TNS2: variants seen among roughly 807,000 people sequenced by gnomAD.
TNS2 encodes tensin-2.
TNS2 carries 77 observed loss-of-function variants against 155.7 expected under a neutral mutation model. The observed-to-expected ratio is 0.49, with a 90% CI of 0.41 to 0.60. The LOEUF (loss-of-function observed/expected upper bound fraction) is 0.60, where lower values mean the gene tolerates loss of function less well. Ranked by LOEUF, TNS2 falls within the 20% of genes least tolerant of loss-of-function variation. TNS2 has a pLI of 0.00. For missense variants in TNS2, 1,703 were observed against 1,868.8 expected, an observed-to-expected ratio of 0.91 and a Z score of 1.64; for synonymous variants, 726 against 763.9, an observed-to-expected ratio of 0.95 and a Z score of 0.82.
Position 53,060,894 on chromosome 12 carries a change from A to C in TNS2, c.2988A>C (p.Ser996=), listed in dbSNP as rs765868533. 1 of 1,587,688 alleles carries C rather than the reference A, an allele frequency of 6.3e-7. No homozygotes were observed. The highest frequency in any genetic ancestry group is 1.3e-5 in the African/African-American group (1 of 74,210). ...AGGAAAGGAGTCCAGGGGGCCACTC[A>C]GATGGCGCCAGTCCTCGGAGCCCTG... ...WPQERSPGGH[S]DGASPRSPVP... Residue 996 remains serine (S), a synonymous_variant, in exon 20 of 29, where the codon TCA becomes TCC. Transcript: ENST00000314250. This position sits in a 1 kb window ranked among gnomAD's most constrained non-coding sequence, Gnocchi z 6.1.
chr12:53,050,561 G>A lies in TNS2; in HGVS notation c.75+301G>A, dbSNP rs566213003. Among the ~76,000 whole-genome samples the A allele has an allele frequency of 5.3e-5, 8 of 152,056 alleles. No homozygotes were observed. In the East Asian group the frequency reaches 1.2e-3, roughly 22 times the overall value. Reference sequence around the variant, plus strand: ...GCCTCACTGCAGGACTTTGCCATGCGCTATCCAGGTATCCTCCAGCAGGCT... The same window carrying A: ...GCCTCACTGCAGGACTTTGCCATGCACTATCCAGGTATCCTCCAGCAGGCT... On this transcript the variant is annotated intron_variant, in intron 1 of 28. Coordinates refer to ENST00000314250, the MANE Select transcript of TNS2 (RefSeq NM_170754.4). This position sits in a 1 kb window ranked among gnomAD's most constrained non-coding sequence, Gnocchi z 4.7.
At position 53,059,749 on chromosome 12, in the gene TNS2, C is replaced by G. The variant is rs1592254685; in HGVS notation, c.2108C>G (p.Ala703Gly). Reference protein sequence around the residue: ...CEEKLALPTAALYGLRLEREA... With the variant: ...CEEKLALPTAGLYGLRLEREA... ...GAGAAGCTGGCGCTGCCTACAGCAG[C>G]CTTGTATGGACTGCGGCTGGAGAGG... The change falls in exon 18 of 29, where the codon GCC becomes GGC. Residue 703 changes from alanine to glycine, a missense_variant. Ala to Gly is a moderately conservative substitution (Grantham distance 60). Transcript: ENST00000314250. The surrounding 1 kb of genome is among the most constrained non-coding windows in gnomAD (Gnocchi z 4.7). 3.1e-6 allele frequency: 5 copies of G among 1,612,844 alleles called. No individual in the cohort carries two copies. The highest frequency in any genetic ancestry group is 4.2e-6 in the Non-Finnish European group (5 of 1,179,764).
chr12:53,060,687 G>A lies in TNS2; in HGVS notation c.2781G>A (p.Gln927=), dbSNP rs1944348971. Residue 927 remains glutamine (Q), a synonymous_variant, in exon 20 of 29, where the codon CAG becomes CAA. Coordinates refer to ENST00000314250, the MANE Select transcript of TNS2 (RefSeq NM_170754.4). This position sits in a 1 kb window ranked among gnomAD's most constrained non-coding sequence, Gnocchi z 6.1. The part of the protein sequence containing the change: ...PVQGKESTRR[Q]DTRSPTSAPT... ...TTCCACCCTACAGCACCCGGCGACA[G>A]GACACCAGGTCCCCCACCTCAGCGC... 1 of 1,581,220 alleles carries A rather than the reference G, an allele frequency of 6.3e-7. No individual in the cohort carries two copies. The highest frequency in any genetic ancestry group is 1.7e-5 in the Admixed American group (1 of 58,544).
Position 53,059,108 on chromosome 12 carries a change from TC to T in TNS2, c.1471del (p.Arg491GlyfsTer29). The T allele has an allele frequency of 6.5e-7, 1 of 1,548,388 alleles. No individual in the cohort carries two copies. Among genetic ancestry groups the T allele is most frequent in the Non-Finnish European group, 8.7e-7 (1 of 1,155,432 alleles). On this transcript the variant is annotated frameshift_variant, in exon 18 of 29. Transcript: ENST00000314250. LOFTEE classifies it high-confidence loss of function. This position sits in a 1 kb window ranked among gnomAD's most constrained non-coding sequence, Gnocchi z 4.7. ...GTCCTTATGCCCAGGTGCAGCGGCC[TC>T]CCCGGCAGACCCCCCCGGCACCCTC... ...GSPYAQVQRPPRQTPPAPSPE... is the reference protein window; with the variant it reads ...GSPYAQVQRPXRQTPPAPSPE...
chr12:53,057,904 T>C (rs1944217219), intron 13 of TNS2, 71 bp downstream of exon 13: 1 of 1,611,070 alleles, frequency 6.2e-7, no homozygotes. Flanking sequence ...TTCCTGCTTC[T>C]CCAGCCTCCC....
In TNS2 at chr12:53,060,998, C is replaced by T; in HGVS notation, c.3092C>T (p.Pro1031Leu). 6.2e-7 allele frequency: 1 copy of T among 1,613,072 alleles called. No individual in the cohort carries two copies. The highest frequency in any genetic ancestry group is 8.5e-7 in the Non-Finnish European group (1 of 1,179,630). The change falls in exon 20 of 29, where the codon CCC becomes CTC. Residue 1031 changes from proline to leucine, a missense_variant. Transcript: ENST00000314250. The surrounding 1 kb of genome is among the most constrained non-coding windows in gnomAD (Gnocchi z 6.1). ...CCCCCCGACAGCCCAGATGGGTCTCCCCTCACTCCTGTGCCTTCCCAGATG... is the reference window on the plus strand; with the variant it reads ...CCCCCCGACAGCCCAGATGGGTCTCTCCTCACTCCTGTGCCTTCCCAGATG... ...RGPPDSPDGS[P>L]LTPVPSQMPW...
chr12:53,062,828 A>G (rs1000920846), intron 25 of TNS2, 131 bp downstream of exon 25: 21 of 1,159,794 alleles, frequency 1.8e-5, no homozygotes, highest in Non-Finnish European at 2.6e-5. Flanking sequence ...GGGGAGCCCC[A>G]TACTGTCGGG....
rs1944329488 is a variant in TNS2, at chr12:53,060,165, A to G, written c.2524A>G (p.Arg842Gly). The G allele has an allele frequency of 9.3e-6, 15 of 1,607,014 alleles. No individual in the cohort carries two copies. Among genetic ancestry groups the G allele is most frequent in the Non-Finnish European group, 1.3e-5 (15 of 1,176,574 alleles). Residue 842 changes from arginine (R) to glycine (G), a missense_variant, in exon 18 of 29, where the codon AGG (arginine) becomes GGG (glycine). By Grantham distance (125) the Arg-to-Gly change is moderately radical. Transcript: ENST00000314250. This position sits in a 1 kb window ranked among gnomAD's most constrained non-coding sequence, Gnocchi z 6.1. ...SPGSPPYPQS[R>G]KLSYEIPTEE... ...GGGCAGCCCGCCCTATCCACAATCT[A>G]GGAAGCTGAGCTACGAGATCCCTAC...
upstream of TNS2, among the ~76,000 whole-genome samples, chr12:53,048,399 C>T (rs1180248135): frequency 6.6e-6 from 1 of 152,212 alleles, no homozygotes; most frequent in Non-Finnish European, 1.5e-5. Flanking sequence ...GAGTCCTGGT[C>T]AGGGCCATGT....
Position 53,061,159 on chromosome 12 carries a change from C to A in TNS2, c.3253C>A (p.Gln1085Lys). Reference sequence around the variant, plus strand: ...ACGCCACCTGCCCGGGCCGGGGCAACAGCCAGGACCCTGGGGCCCAGAGCA... The same window carrying A: ...ACGCCACCTGCCCGGGCCGGGGCAAAAGCCAGGACCCTGGGGCCCAGAGCA... Reference protein sequence around the residue: ...EKRHLPGPGQQPGPWGPEQAS... With the variant: ...EKRHLPGPGQKPGPWGPEQAS... The change falls in exon 20 of 29, where the codon CAG becomes AAG. Residue 1085 changes from glutamine to lysine, a missense_variant. Coordinates refer to ENST00000314250, the MANE Select transcript of TNS2 (RefSeq NM_170754.4). The A allele has an allele frequency of 6.2e-7, 1 of 1,606,368 alleles. No individual in the cohort carries two copies.
intron 21 of TNS2, 94 bp from the exon 22 acceptor site, chr12:53,061,721 C>G: frequency 6.5e-7 from 1 of 1,542,714 alleles, no homozygotes; most frequent in Non-Finnish European, 8.7e-7. Flanking sequence ...GGGCAGAGAC[C>G]ATGGAGCTTG....
At position 53,059,936 on chromosome 12, in the gene TNS2, C is replaced by T. The variant is rs1389745952; in HGVS notation, c.2295C>T (p.His765=). Reference sequence around the variant, plus strand: ...CACCCAAGGCAGGCGAGGAAGGGCACGAGGGCTGCTCCTACACCATGTGCC... The same window carrying T: ...CACCCAAGGCAGGCGAGGAAGGGCATGAGGGCTGCTCCTACACCATGTGCC... ...LKPPKAGEEG[H]EGCSYTMCPE... Residue 765 remains histidine, a synonymous_variant, in exon 18 of 29, where the codon CAC becomes CAT. Transcript: ENST00000314250. This position sits in a 1 kb window ranked among gnomAD's most constrained non-coding sequence, Gnocchi z 4.7. The T allele has an allele frequency of 1.2e-6, 2 of 1,610,882 alleles. No homozygotes were observed. The highest frequency in any genetic ancestry group is 1.7e-5 in the Admixed American group (1 of 59,930).
At position 53,060,931 on chromosome 12, in the gene TNS2, C is replaced by A. The variant is rs1157455667; in HGVS notation, c.3025C>A (p.Leu1009Ile). ...ASPRSPVPTT[L>I]PGLRHAPWQG... is the part of the protein sequence containing the mutation. ...TCCTCGGAGCCCTGTGCCCACCACA[C>A]TTCCTGGCCTCCGCCACGCCCCCTG... The change falls in exon 20 of 29, where the codon CTT becomes ATT. Residue 1009 changes from leucine to isoleucine, a missense_variant. Transcript: ENST00000314250. The surrounding 1 kb of genome is among the most constrained non-coding windows in gnomAD (Gnocchi z 6.1). The A allele has an allele frequency of 1.3e-6, 2 of 1,598,302 alleles. No homozygotes were observed. The highest frequency in any genetic ancestry group is 1.7e-6 in the Non-Finnish European group (2 of 1,172,798).
upstream of TNS2, among the ~76,000 whole-genome samples, chr12:53,049,630 C>G (rs988166534): frequency 4.6e-5 from 7 of 152,116 alleles, no homozygotes; most frequent in Non-Finnish European, 7.4e-5. Context: ...ACTCTCAGGA[C>G]ACACTCGGGA....
upstream of TNS2, chr12:53,049,071 C>A: frequency 1.8e-6 from 2 of 1,128,830 alleles, no homozygotes; most frequent in Non-Finnish European, 2.5e-6. Context: ...TTTTTCAAGG[C>A]CCCATCCACC....
Position 53,060,817 on chromosome 12 carries a change from C to G in TNS2, c.2911C>G (p.Pro971Ala). The G allele has an allele frequency of 6.2e-7, 1 of 1,610,496 alleles. No homozygotes were observed. Among genetic ancestry groups the G allele is most frequent in the East Asian group, 2.2e-5 (1 of 44,792 alleles). The change falls in exon 20 of 29, where the codon CCT becomes GCT. Residue 971 changes from proline (P) to alanine (A), a missense_variant. Coordinates refer to ENST00000314250, the MANE Select transcript of TNS2 (RefSeq NM_170754.4). The surrounding 1 kb of genome is among the most constrained non-coding windows in gnomAD (Gnocchi z 6.1). ...GGGAAGTGGGCCTGAGCCTCTGGCC[C>G]CTAGCCCAGTCTCTCCGACCTTCCC... ...PSGSGPEPLA[P>A]SPVSPTFPPS... is the part of the protein sequence containing the mutation.
At chr12:53,049,987 T>G, upstream of TNS2, 2 of 1,285,944 alleles carry the variant, frequency 1.6e-6, no homozygotes, top group Non-Finnish European at 2.1e-6. Context: ...CCCCCTCCAC[T>G]TCCTGGAGCA....
At position 53,059,298 on chromosome 12, in the gene TNS2, G is replaced by C. The variant is rs772978503; in HGVS notation, c.1657G>C (p.Gly553Arg). The stretch of plus-strand genomic sequence containing the variant: ...CCTAGGAGGCTGCGGAGTGGCCAGT[G>C]GGGGCCGGGGAGCTGGGCGCGAGAC... The part of the protein sequence containing the change: ...RLLGGCGVAS[G>R]GRGAGRETAI... The change falls in exon 18 of 29, where the codon GGG becomes CGG. Residue 553 changes from glycine to arginine, a missense_variant. Gly to Arg is a moderately radical substitution (Grantham distance 125, BLOSUM62 -2). Transcript: ENST00000314250. The surrounding 1 kb of genome is among the most constrained non-coding windows in gnomAD (Gnocchi z 4.7). 2.0e-6 allele frequency: 3 copies of C among 1,468,702 alleles called. No homozygotes were observed. Among genetic ancestry groups the C allele is most frequent in the Non-Finnish European group, 1.8e-6 (2 of 1,112,382 alleles). 91.0% of individuals were successfully genotyped at this position (1,468,702 alleles called of 1,614,324 possible).
At chr12:53,052,969 G>A (rs1363587334) in intron 3 of TNS2, 1 of 301,378 alleles carries the variant, frequency 3.3e-6, no homozygotes, top group Non-Finnish European at 6.5e-6. Flanking sequence ...TGTCCACTGG[G>A]GACCTGAGAC....
Sources: gnomAD v4.1 joint callset for allele counts (sites outside exome capture counted in the v4.1 genomes callset) on GRCh38, gnomAD v4.1.1 for gene constraint, Gnocchi (gnomAD v3.1) non-coding constraint, MANE v1.5 for transcripts, NCBI Gene and HGNC (gene_info 2026-07-23, HGNC 2026-07-21) for gene names.